Variants in TPR observed in about 807,000 individuals in gnomAD.
TPR encodes translocated promoter region, nuclear basket protein.
A neutral mutation model predicts 316.1 loss-of-function variants in TPR; 51 were observed. That is an observed-to-expected ratio of 0.16 (90% confidence interval 0.13 to 0.20). TPR has a LOEUF of 0.20. Ranked by LOEUF, TPR falls within the 10% of genes least tolerant of loss-of-function variation. The pLI, the probability that TPR is intolerant of heterozygous loss-of-function variation, is 1.00. For missense variants in TPR, 2,272 were observed against 2,754.8 expected, an observed-to-expected ratio of 0.82 and a Z score of 3.92; for synonymous variants, 981 against 914.7, an observed-to-expected ratio of 1.07 and a Z score of -1.31.
In TPR at chr1:186,320,510, A is replaced by T. The variant is rs1571598808; in HGVS notation, c.6462-92T>A. On this transcript the variant is annotated intron_variant, in intron 45 of 50. Coordinates refer to ENST00000367478, the MANE Select transcript of TPR (RefSeq NM_003292.3). ...AAAATATAGGAAGAAGGAAGAATGA[A>T]CATCAACAAACTGGGAAGGAAACAG... The T allele has an allele frequency of 5.0e-6, 5 of 990,344 alleles. No homozygotes were observed. The East Asian group carries it at 1.4e-4, about 27-fold the overall frequency. The allele number at this position is 990,344 out of a possible 1,614,324, so 61.3% of individuals were successfully genotyped here.
At chr1:186,344,217 T>G (rs1658607004) in intron 25 of TPR, 127 bp from the exon 26 acceptor site, 1 of 1,378,602 alleles carries the variant, frequency 7.3e-7, no homozygotes, top group Non-Finnish European at 9.8e-7. Flanking sequence ...GGAGAATTGC[T>G]TGAACCCAGC....
chr1:186,348,808 A>C (rs549345680), intron 21 of TPR, among the ~76,000 whole-genome samples: 1 of 152,292 alleles, frequency 6.6e-6, no homozygotes, highest in South Asian at 2.1e-4. Context: ...TAAAACACTA[A>C]ATCTTAAATC....
chr1:186,344,291 G>T, intron 25 of TPR, 84 bp downstream of exon 25: 2 of 1,493,078 alleles, frequency 1.3e-6, no homozygotes, highest in Non-Finnish European at 1.8e-6. Flanking sequence ...ACAGAGCGAG[G>T]CTCCATCTCA....
At chr1:186,337,868 T>A (rs1250790644) in intron 31 of TPR, among the ~76,000 whole-genome samples, 165 bp downstream of exon 31, 1 of 152,092 alleles carries the variant, frequency 6.6e-6, no homozygotes, top group Non-Finnish European at 1.5e-5. Context: ...TGTGAGTTTA[T>A]AATGCATTTT....
chr1:186,333,790 C>G (rs780098208), intron 36 of TPR, among the ~76,000 whole-genome samples: 22 of 152,128 alleles, frequency 1.4e-4, no homozygotes, highest in Admixed American at 6.6e-4. Context: ...AAAACATTCT[C>G]TACTTTCACA....
intron 11 of TPR, 22 bp from the exon 12 acceptor site, chr1:186,360,018 T>C (rs183141049): frequency 1.3e-6 from 2 of 1,598,224 alleles, no homozygotes; most frequent in Admixed American, 1.8e-5. Context: ...CAAAGGGTTG[T>C]TTCAAATCTA....
intron 40 of TPR, 65 bp downstream of exon 40, chr1:186,327,395 C>T (rs1658033926): frequency 6.6e-7 from 1 of 1,522,208 alleles, no homozygotes; most frequent in Non-Finnish European, 8.9e-7. Flanking sequence ...GCATTAGTAT[C>T]CCAAGGATTT....
rs1658875353 is a variant in TPR at position 186,351,985 on chromosome 1, T to C, written c.2460A>G (p.Gln820=). Residue 820 remains glutamine, a synonymous_variant, in exon 19 of 51, where the codon CAA becomes CAG. Coordinates refer to ENST00000367478, the MANE Select transcript of TPR (RefSeq NM_003292.3). ...CTTTTTATTTGGTTACCTGAATTGT[T>C]TGCAGATTAGTTAGCAGTAAGTTTT... ...RGQNLLLTNL[Q]TIQGILERSE... 2 of 1,597,172 alleles carry C rather than the reference T, an allele frequency of 1.3e-6. No individual in the cohort carries two copies. The highest frequency in any genetic ancestry group is 1.7e-6 in the Non-Finnish European group (2 of 1,175,252).
At position 186,336,561 on chromosome 1, in the gene TPR, G is replaced by T; in HGVS notation, c.4640C>A (p.Thr1547Asn). ...TQEEQLRQQITEKEEKTRKAI... is the reference protein window; with the variant it reads ...TQEEQLRQQINEKEEKTRKAI... ...CTTTCTGGTTTTTTCTTCCTTTTCA[G>T]TTATCTGTTGTCGGAGCTGCTCCTC... The change falls in exon 33 of 51, where the codon ACT becomes AAT. Residue 1547 changes from threonine to asparagine, a missense_variant. By Grantham distance (65) the Thr-to-Asn change is moderately conservative (BLOSUM62 0). Around this residue, in one of 10 missense-constraint regions of TPR, gnomAD observed 109 missense variants for 215.3 expected, o/e 0.51. Coordinates refer to ENST00000367478, the MANE Select transcript of TPR (RefSeq NM_003292.3). 6.2e-7 allele frequency: 1 copy of T among 1,613,854 alleles called. No individual in the cohort carries two copies. The highest frequency in any genetic ancestry group is 1.1e-5 in the South Asian group (1 of 91,072).
intron 12 of TPR, among the ~76,000 whole-genome samples, chr1:186,359,103 A>G (rs1353707471): frequency 1.3e-5 from 2 of 152,138 alleles, no homozygotes; most frequent in African/African-American, 4.8e-5. Context: ...TTTTCCAACA[A>G]AAGGGAAACA....
In TPR at chr1:186,313,981, T is replaced by C; in HGVS notation, c.7082A>G (p.Asn2361Ser). The C allele has an allele frequency of 6.2e-7, 1 of 1,611,964 alleles. No homozygotes were observed. The highest frequency in any genetic ancestry group is 8.5e-7 in the Non-Finnish European group (1 of 1,179,140). ...MGGRGGINRG[N>S]IN ...TTGTTTACAGACCATTTAATTAATA[T>C]TTCCTCTGTTTATTCCTCCTCTCCC... The change falls in exon 51 of 51, where the codon AAT (asparagine) becomes AGT (serine). Residue 2361 changes from asparagine (N) to serine (S), a missense_variant. By Grantham distance (46) the Asn-to-Ser change is conservative. Transcript: ENST00000367478.
chr1:186,314,123 T>C (rs1305070666), intron 50 of TPR, 97 bp from the exon 51 acceptor site: 2 of 1,159,528 alleles, frequency 1.7e-6, no homozygotes, highest in African/African-American at 1.5e-5. Context: ...TATCTAGGCA[T>C]TGTGGATATA....
chr1:186,339,155 C>G (rs1266952338), intron 30 of TPR, among the ~76,000 whole-genome samples: 2 of 152,040 alleles, frequency 1.3e-5, no homozygotes, highest in African/African-American at 4.8e-5. Context: ...CTTGGCCAGG[C>G]ATGATGGCTC....
intron 18 of TPR, among the ~76,000 whole-genome samples, chr1:186,353,117 A>T (rs576126333): frequency 2.6e-5 from 4 of 152,340 alleles, no homozygotes; most frequent in Non-Finnish European, 4.4e-5. Context: ...TCATGCCTGT[A>T]ATCCCAGCAC....
At chr1:186,374,688 A>T (rs927845601) in intron 1 of TPR, among the ~76,000 whole-genome samples, 190 bp downstream of exon 1, 1 of 152,152 alleles carries the variant, frequency 6.6e-6, no homozygotes. Context: ...CTGAACTTAG[A>T]TTCAGATTTT....
At chr1:186,344,654 A>C (rs1658622854) in intron 24 of TPR, 76 bp from the exon 25 acceptor site, 1 of 1,105,908 alleles carries the variant, frequency 9.0e-7, no homozygotes, top group Non-Finnish European at 1.2e-6. Context: ...CCAAAGATAC[A>C]CATTGGACTT....
intron 4 of TPR, among the ~76,000 whole-genome samples, chr1:186,365,877 A>G (rs1207658511): frequency 2.6e-5 from 4 of 152,222 alleles, no homozygotes; most frequent in Non-Finnish European, 5.9e-5. Context: ...AATAGCCACC[A>G]TATCAGATAA....
chr1:186,327,747 A>T, intron 39 of TPR, 87 bp from the exon 40 acceptor site: 2 of 1,176,924 alleles, frequency 1.7e-6, no homozygotes, highest in Non-Finnish European at 2.4e-6. Flanking sequence ...AGGTCAAAGT[A>T]AAGAATAATG....
chr1:186,357,076 T>C (rs1659051095), intron 14 of TPR, among the ~76,000 whole-genome samples: 1 of 152,154 alleles, frequency 6.6e-6, no homozygotes, highest in East Asian at 1.9e-4. Context: ...AACAGGGTCT[T>C]ACCCTGTCGT....
Sources: allele counts gnomAD v4.1 joint callset (sites outside exome capture counted in the v4.1 genomes callset), GRCh38; gene constraint gnomAD v4.1.1; regional missense constraint gnomAD v4.1.1; transcripts MANE v1.5; gene names NCBI Gene and HGNC (gene_info 2026-07-23, HGNC 2026-07-21).